Variants in DOCK1 observed in about 807,000 individuals in gnomAD.
The protein encoded by DOCK1 is dedicator of cytokinesis protein 1.
DOCK1 carries 138 observed loss-of-function variants against 262.7 expected under a neutral mutation model. The observed-to-expected ratio is 0.53, with a 90% confidence interval of 0.46 to 0.61. DOCK1 has a LOEUF of 0.61. DOCK1 is among the 20% of genes least tolerant of loss of function. The pLI is 0.00. For missense variants in DOCK1, 1,908 were observed against 2,370.7 expected (o/e 0.80, Z 4.05); for synonymous variants, 866 against 867.4 (o/e 1.00, Z 0.03).
In DOCK1 at chr10:127,404,178, A is replaced by ACCCTCTCCCACCATCT. The variant is rs991807519; in HGVS notation, c.4018-127_4018-112dup. 9.9e-6 allele frequency: 6 copies of ACCCTCTCCCACCATCT among 606,476 alleles called. No homozygotes were observed. The East Asian group carries it at 1.4e-4, about 14-fold the overall frequency. 37.6% of individuals were successfully genotyped at this position (606,476 alleles called of 1,614,324 possible). A position where few individuals can be genotyped will look rare whatever the true frequency, so the allele number is the denominator to read the frequency against. ...ATGAAATTCAGGTGCAAGCCTCAGTACCCTCTCCCACCATCTCCCTCTCCC... is the reference window on the plus strand; with the variant it reads ...ATGAAATTCAGGTGCAAGCCTCAGTACCCTCTCCCACCATCTCCCTCTCCCACCATCTCCCTCTCCC... On this transcript the variant is annotated intron_variant, in intron 39 of 51. Transcript: ENST00000623213.
chr10:126,911,473 C>A (rs747128755), intron 1 of DOCK1, among the ~76,000 whole-genome samples: 1 of 152,194 alleles, frequency 6.6e-6, no homozygotes, highest in Admixed American at 6.5e-5. Flanking sequence ...GGCACATGCA[C>A]CAGTGTGGAG....
In DOCK1 at chr10:127,270,015, T is replaced by C. The variant is rs570230496; in HGVS notation, c.3044+12586T>C. On this transcript the variant is annotated intron_variant, in intron 29 of 51. Transcript: ENST00000623213. The stretch of plus-strand genomic sequence containing the variant: ...GGAACCGGGGACTCCACCTGCCTCC[T>C]CTCCTTCTCCCACCCTCAGAGCCAA... 3.5e-4 allele frequency among the ~76,000 whole-genome samples: 53 copies of C among 152,258 alleles called. 1 individual carries two copies. The South Asian group carries it at 0.011, about 32-fold the overall frequency.
At chr10:127,252,429 G>A (rs7900544) in intron 28 of DOCK1, among the ~76,000 whole-genome samples, 89,190 of 130,126 alleles carry the variant, frequency 0.69, 30,773 homozygotes, top group South Asian at 0.76. Flanking sequence ...TGTTGCCATT[G>A]CTTTTGGTGT....
At chr10:127,227,057 C>T (rs2058670446) in intron 27 of DOCK1, among the ~76,000 whole-genome samples, 1 of 152,178 alleles carries the variant, frequency 6.6e-6, no homozygotes. Context: ...AGTGACAATG[C>T]TTGTTTTTAT....
intron 27 of DOCK1, among the ~76,000 whole-genome samples, chr10:127,150,329 T>C (rs2052367010): frequency 6.6e-6 from 1 of 151,770 alleles, no homozygotes; most frequent in Admixed American, 6.6e-5. Context: ...TCAATCCCCA[T>C]TGCTCACCCT....
chr10:127,076,508 A>C (rs923913110), intron 23 of DOCK1, among the ~76,000 whole-genome samples: 1 of 152,158 alleles, frequency 6.6e-6, no homozygotes, highest in Non-Finnish European at 1.5e-5. Flanking sequence ...CTCAAAAAAG[A>C]AAAGAAAATA....
At chr10:127,052,652 T>C (rs897551111) in intron 21 of DOCK1, 29 bp from the exon 22 acceptor site, 2 of 1,613,804 alleles carry the variant, frequency 1.2e-6, no homozygotes, top group African/African-American at 1.3e-5. Context: ...TTTCCTGAGC[T>C]TATTTGTGCG....
intron 25 of DOCK1, among the ~76,000 whole-genome samples, chr10:127,123,755 C>T (rs2049764519): frequency 6.6e-6 from 1 of 152,142 alleles, no homozygotes; most frequent in African/African-American, 2.4e-5. Flanking sequence ...AGGGCAGTCT[C>T]CTACACGGGC....
At chr10:127,314,312 A>G (rs1265992562) in intron 29 of DOCK1, among the ~76,000 whole-genome samples, 1 of 152,198 alleles carries the variant, frequency 6.6e-6, no homozygotes, top group Non-Finnish European at 1.5e-5. Context: ...TTTCTCAACT[A>G]CACACTGAAG....
chr10:126,990,543 C>T lies in DOCK1; in HGVS notation c.413C>T (p.Pro138Leu). The T allele has an allele frequency of 6.2e-7, 1 of 1,613,798 alleles. No homozygotes were observed. The highest frequency in any genetic ancestry group is 8.5e-7 in the Non-Finnish European group (1 of 1,179,860). Residue 138 changes from proline (P) to leucine (L), a missense_variant, in exon 6 of 52, where the codon CCT becomes CTT. This residue lies in a region of DOCK1 where 227 missense variants were observed against 254.1 expected (regional missense o/e 0.89). Transcript: ENST00000623213. The part of the protein sequence containing the change: ...WRSQILSGTL[P>L]QDELKELKKK... ...TCACAAATTCTTTCTGGAACTCTGC[C>T]TCAGGATGAACTCAAAGAACTGAAG...
chr10:127,049,774 C>A (rs1206807661), intron 21 of DOCK1, among the ~76,000 whole-genome samples: 1 of 151,476 alleles, frequency 6.6e-6, no homozygotes, highest in African/African-American at 2.4e-5. Context: ...GTCTAAAATA[C>A]CGAAATAATA....
chr10:127,242,679 A>T (rs1204271551), intron 27 of DOCK1, among the ~76,000 whole-genome samples: 1 of 152,176 alleles, frequency 6.6e-6, no homozygotes, highest in Admixed American at 6.5e-5. Flanking sequence ...ATATTTTAAA[A>T]TGTTACTGGA....
intron 29 of DOCK1, among the ~76,000 whole-genome samples, chr10:127,258,684 G>A (rs531725555): frequency 3.8e-4 from 58 of 152,334 alleles, no homozygotes; most frequent in Non-Finnish European, 3.5e-4. Context: ...GGCTTGTTGG[G>A]TAATTGCACA....
intron 11 of DOCK1, among the ~76,000 whole-genome samples, chr10:127,010,533 T>G (rs2041348722): frequency 6.6e-6 from 1 of 152,208 alleles, no homozygotes; most frequent in African/African-American, 2.4e-5. Context: ...TGGTCCTGTT[T>G]CAAGTGTTCA....
intron 32 of DOCK1, among the ~76,000 whole-genome samples, chr10:127,361,329 T>A (rs548346556): frequency 1.1e-4 from 17 of 152,226 alleles, no homozygotes; most frequent in Admixed American, 3.3e-4. Context: ...TTAGCCAGGA[T>A]GGTCTCGATC....
intron 29 of DOCK1, among the ~76,000 whole-genome samples, chr10:127,303,736 G>A (rs1033460704): frequency 1.0e-4 from 15 of 150,316 alleles, no homozygotes; most frequent in East Asian, 3.9e-4. Flanking sequence ...GTGTGTGCCC[G>A]TAGTCCCAGC....
chr10:126,927,443 A>C (rs1050735700), intron 1 of DOCK1, among the ~76,000 whole-genome samples: 1 of 151,068 alleles, frequency 6.6e-6, no homozygotes, highest in East Asian at 1.9e-4. Flanking sequence ...TTACTGTCTC[A>C]TTCTTTTTTT....
At chr10:127,293,277 A>C (rs73382471) in intron 29 of DOCK1, among the ~76,000 whole-genome samples, 3,214 of 152,292 alleles carry the variant, frequency 0.021, 102 homozygotes, top group African/African-American at 0.073. Context: ...GGGATGCTGT[A>C]ACTGATGTGC....
chr10:127,372,011 C>G (rs144514955), intron 33 of DOCK1, among the ~76,000 whole-genome samples: 1 of 152,286 alleles, frequency 6.6e-6, no homozygotes, highest in East Asian at 1.9e-4. Context: ...TGCTAAAATC[C>G]TTGAACTTCT....
Sources: gnomAD v4.1 joint callset for allele counts (sites outside exome capture counted in the v4.1 genomes callset) on GRCh38, gnomAD v4.1.1 for gene constraint, gnomAD v4.1.1 regional missense constraint, MANE v1.5 for transcripts, NCBI Gene and HGNC (gene_info 2026-07-23, HGNC 2026-07-21) for gene names.